ARHGAP15: variants seen among roughly 807,000 people sequenced by gnomAD.
ARHGAP15 encodes rho GTPase-activating protein 15.
Under a neutral mutation model 63.7 loss-of-function variants are expected in ARHGAP15, and 51 were observed. That is an observed-to-expected ratio of 0.80 (90% CI 0.64 to 1.01). ARHGAP15 has a LOEUF of 1.01. Among genes scored for constraint, ARHGAP15 ranks in the 50% least tolerant of loss-of-function variants. The probability of loss-of-function intolerance (pLI) is 0.00; values close to 1 mark genes in which losing one functional copy is unlikely to be tolerated. For missense variants in ARHGAP15, 560 were observed against 564.6 expected (o/e 0.99, Z 0.08); for synonymous variants, 191 against 193.8 (o/e 0.99, Z 0.12).
chr2:143,311,520 C>T (rs1207922985), intron 6 of ARHGAP15, among the ~76,000 whole-genome samples: 2 of 152,092 alleles, frequency 1.3e-5, no homozygotes, highest in Non-Finnish European at 2.9e-5. Flanking sequence ...TGCTGCATAT[C>T]TTTAAGCTTT....
At chr2:143,534,435 A>G (rs1371983726) in intron 10 of ARHGAP15, among the ~76,000 whole-genome samples, 1 of 152,228 alleles carries the variant, frequency 6.6e-6, no homozygotes, top group South Asian at 2.1e-4. Context: ...CGCCACATAC[A>G]GTAAAACTGC....
intron 6 of ARHGAP15, among the ~76,000 whole-genome samples, chr2:143,331,297 C>T (rs1298909038): frequency 6.6e-6 from 1 of 152,102 alleles, no homozygotes; most frequent in Non-Finnish European, 1.5e-5. Flanking sequence ...TTGCTCCGAT[C>T]GCTCTTCTTC....
chr2:143,174,500 C>T lies in ARHGAP15; in HGVS notation c.165+18845C>T, dbSNP rs138410147. Among the ~76,000 whole-genome samples, 4 of 152,172 alleles carry T rather than the reference C, an allele frequency of 2.6e-5. No individual in the cohort carries two copies. In the East Asian group the frequency reaches 5.8e-4, roughly 22 times the overall value. ...ACTTATTTTTTCAGAAAAATTTTCT[C>T]CTTTTTTGTTGTGTTTGCCAAGTAT... On this transcript the variant is annotated intron_variant, in intron 2 of 13. Coordinates refer to ENST00000295095, the MANE Select transcript of ARHGAP15 (RefSeq NM_018460.4).
At chr2:143,662,067 C>G (rs1681831752) in intron 12 of ARHGAP15, among the ~76,000 whole-genome samples, 1 of 152,250 alleles carries the variant, frequency 6.6e-6, no homozygotes, top group African/African-American at 2.4e-5. Flanking sequence ...TGGAGCCCAC[C>G]ACAGCTCAAG....
At chr2:143,660,527 G>A (rs914484793) in intron 12 of ARHGAP15, among the ~76,000 whole-genome samples, 1 of 152,144 alleles carries the variant, frequency 6.6e-6, no homozygotes, top group Non-Finnish European at 1.5e-5. Flanking sequence ...GTAAGAATAA[G>A]AATGAACCCT....
At chr2:143,220,364 A>G (rs1412583330) in intron 4 of ARHGAP15, among the ~76,000 whole-genome samples, 1 of 152,144 alleles carries the variant, frequency 6.6e-6, no homozygotes, top group Non-Finnish European at 1.5e-5. Flanking sequence ...ACACACCACC[A>G]GGCCCAGCTA....
At chr2:143,671,000 T>C (rs1292055337) in intron 12 of ARHGAP15, among the ~76,000 whole-genome samples, 1 of 152,188 alleles carries the variant, frequency 6.6e-6, no homozygotes, top group Non-Finnish European at 1.5e-5. Flanking sequence ...TTCATTACAC[T>C]ACACCTCCTT....
At chr2:143,274,769 C>T (rs1681458544) in intron 6 of ARHGAP15, among the ~76,000 whole-genome samples, 1 of 152,122 alleles carries the variant, frequency 6.6e-6, no homozygotes, top group African/African-American at 2.4e-5. Flanking sequence ...GTTTTGATTT[C>T]CCCAGGACAC....
At chr2:143,692,448 A>T (rs936677644) in intron 12 of ARHGAP15, among the ~76,000 whole-genome samples, 1 of 152,158 alleles carries the variant, frequency 6.6e-6, no homozygotes, top group Non-Finnish European at 1.5e-5. Flanking sequence ...AGGAAACCCA[A>T]GGCAGCAAAG....
At chr2:143,377,262 G>A (rs1686855873) in intron 6 of ARHGAP15, among the ~76,000 whole-genome samples, 1 of 151,946 alleles carries the variant, frequency 6.6e-6, no homozygotes. Context: ...AGAAACTTTA[G>A]TGATCATTTA....
In ARHGAP15 at chr2:143,377,783, T is replaced by C. The variant is rs1686881579; in HGVS notation, c.475-57818T>C. Among the ~76,000 whole-genome samples the C allele has an allele frequency of 3.3e-5, 5 of 152,222 alleles. No individual in the cohort carries two copies. In the South Asian group the frequency reaches 8.3e-4, roughly 25 times the overall value. On this transcript the variant is annotated intron_variant, in intron 6 of 13. Coordinates refer to ENST00000295095, the MANE Select transcript of ARHGAP15 (RefSeq NM_018460.4). ...TGCATCAGAACTTTTTTGTTCCTGA[T>C]TGAGTATACATCAGTTTAAGACATT... is the stretch of plus-strand genomic sequence containing the variant.
intron 12 of ARHGAP15, among the ~76,000 whole-genome samples, chr2:143,647,041 A>C (rs1310322339): frequency 6.6e-6 from 1 of 152,068 alleles, no homozygotes; most frequent in African/African-American, 2.4e-5. Flanking sequence ...GATCACAAAA[A>C]AAGTCAAAAA....
chr2:143,184,857 T>TTC (rs986507042), intron 2 of ARHGAP15, among the ~76,000 whole-genome samples: 13 of 151,490 alleles, frequency 8.6e-5, no homozygotes, highest in Non-Finnish European at 1.5e-4. Context: ...TTTTTCTTTT[T>TTC]TTTTTTGTAG....
At chr2:143,202,019 A>G in intron 2 of ARHGAP15, 115 bp from the exon 3 acceptor site, 2 of 799,470 alleles carry the variant, frequency 2.5e-6, no homozygotes, top group Admixed American at 4.4e-5. Flanking sequence ...TTCTCATTTT[A>G]TATCTACTTA....
At chr2:143,763,200 A>G (rs548634582) in intron 13 of ARHGAP15, among the ~76,000 whole-genome samples, 14 of 152,292 alleles carry the variant, frequency 9.2e-5, no homozygotes, top group Non-Finnish European at 8.8e-5. Flanking sequence ...AAAGAGAGAC[A>G]TATAATAATA....
At chr2:143,533,019 T>A (rs1211806804) in intron 10 of ARHGAP15, among the ~76,000 whole-genome samples, 1 of 152,196 alleles carries the variant, frequency 6.6e-6, no homozygotes, top group Non-Finnish European at 1.5e-5. Context: ...AACAACAACT[T>A]CACTTTTAAC....
intron 8 of ARHGAP15, among the ~76,000 whole-genome samples, chr2:143,469,412 T>C (rs1220502570): frequency 6.6e-6 from 1 of 152,234 alleles, no homozygotes; most frequent in Non-Finnish European, 1.5e-5. Context: ...TTAAAACTTT[T>C]TCTTCTTATA....
At chr2:143,755,199 G>A in intron 13 of ARHGAP15, among the ~76,000 whole-genome samples, 1 of 151,674 alleles carries the variant, frequency 6.6e-6, no homozygotes, top group Non-Finnish European at 1.5e-5. Flanking sequence ...TCTCTTGATG[G>A]GGAACTCATA....
chr2:143,257,199 T>C (rs1181602359), intron 6 of ARHGAP15, among the ~76,000 whole-genome samples: 1 of 152,198 alleles, frequency 6.6e-6, no homozygotes, highest in East Asian at 1.9e-4. Flanking sequence ...ACACCTTCAT[T>C]GTTTCATTAC....
Sources: gnomAD v4.1 joint callset for allele counts (sites outside exome capture counted in the v4.1 genomes callset) on GRCh38, gnomAD v4.1.1 for gene constraint, MANE v1.5 for transcripts, NCBI Gene and HGNC (gene_info 2026-07-23, HGNC 2026-07-21) for gene names.